DENND1B: variants seen among roughly 807,000 people sequenced by gnomAD.
DENND1B encodes DENN domain containing 1B.
A neutral mutation model predicts 90.1 loss-of-function variants in DENND1B; 59 were observed. That is an observed-to-expected ratio of 0.65 (90% CI 0.53 to 0.81). The LOEUF is 0.81. Ranked by LOEUF, DENND1B falls within the 40% of genes least tolerant of loss-of-function variation. The pLI, the probability that DENND1B is intolerant of heterozygous loss-of-function variation, is 0.00. For synonymous variants in DENND1B, 337 were observed against 324.6 expected, an observed-to-expected ratio of 1.04 and a Z score of -0.41; for missense variants, 862 against 912.6, an observed-to-expected ratio of 0.94 and a Z score of 0.71.
intron 13 of DENND1B, chr1:197,605,788 G>A (rs1676623589): frequency 6.6e-6 from 1 of 151,074 alleles, no homozygotes; most frequent in African/African-American, 2.4e-5. Flanking sequence ...GTAAGATAAG[G>A]TAGTTGAATT....
At chr1:197,675,115 C>G (rs1270145772) in intron 3 of DENND1B, among the ~76,000 whole-genome samples, 1 of 151,992 alleles carries the variant, frequency 6.6e-6, no homozygotes, top group Admixed American at 6.6e-5. Context: ...TTTTACAAGA[C>G]AAAGAATTTT....
At chr1:197,748,801 T>C (rs1273143859) in intron 2 of DENND1B, among the ~76,000 whole-genome samples, 1 of 152,192 alleles carries the variant, frequency 6.6e-6, no homozygotes, top group African/African-American at 2.4e-5. Context: ...ATAATAAATT[T>C]ATATTATTTT....
At chr1:197,773,415 A>G (rs528137128) in intron 1 of DENND1B, among the ~76,000 whole-genome samples, 2 of 152,348 alleles carry the variant, frequency 1.3e-5, no homozygotes, top group African/African-American at 4.8e-5. Flanking sequence ...AATGATGAAT[A>G]CATGGTTCCA....
intron 3 of DENND1B, among the ~76,000 whole-genome samples, chr1:197,695,972 A>C (rs1658393888): frequency 6.6e-6 from 1 of 151,430 alleles, no homozygotes; most frequent in Admixed American, 6.6e-5. Flanking sequence ...GAATGTATAA[A>C]AAAATTGTTT....
chr1:197,625,614 CA>C (rs1191834051), intron 10 of DENND1B, among the ~76,000 whole-genome samples: 1 of 151,972 alleles, frequency 6.6e-6, no homozygotes, highest in African/African-American at 2.4e-5. Context: ...AACTAACGAG[CA>C]AAATCACCAG....
intron 10 of DENND1B, among the ~76,000 whole-genome samples, chr1:197,629,072 G>A (rs1467383777): frequency 1.3e-5 from 2 of 152,188 alleles, no homozygotes; most frequent in African/African-American, 4.8e-5. Flanking sequence ...CTTTTACACT[G>A]TTGGTGGGAC....
chr1:197,553,262 T>C (rs995697775), intron 15 of DENND1B, 150 bp from the exon 16 acceptor site: 3 of 541,434 alleles, frequency 5.5e-6, no homozygotes, highest in South Asian at 4.3e-5. Flanking sequence ...GGTGTATATA[T>C]ACACACACAC....
At chr1:197,721,564 G>C (rs1052651619) in intron 2 of DENND1B, among the ~76,000 whole-genome samples, 2 of 151,984 alleles carry the variant, frequency 1.3e-5, no homozygotes, top group Non-Finnish European at 2.9e-5. Context: ...AGGATAATCT[G>C]GGCCATAAAG....
intron 5 of DENND1B, among the ~76,000 whole-genome samples, chr1:197,663,577 T>A (rs1024346596): frequency 2.0e-5 from 3 of 152,098 alleles, no homozygotes; most frequent in Non-Finnish European, 4.4e-5. Context: ...AAATCTGATA[T>A]AATTCACTGT....
intron 5 of DENND1B, among the ~76,000 whole-genome samples, chr1:197,659,743 G>A (rs1654219521): frequency 1.3e-5 from 2 of 151,840 alleles, no homozygotes; most frequent in South Asian, 4.1e-4. Flanking sequence ...AGGACCAGCA[G>A]AAGTGCTCCC....
chr1:197,548,884 A>G (rs1307012739), intron 16 of DENND1B, among the ~76,000 whole-genome samples: 1 of 152,142 alleles, frequency 6.6e-6, no homozygotes, highest in African/African-American at 2.4e-5. Context: ...CTTCGATGTT[A>G]TGAAAACATG....
At chr1:197,653,821 C>T (rs1253790632) in intron 6 of DENND1B, among the ~76,000 whole-genome samples, 2 of 151,890 alleles carry the variant, frequency 1.3e-5, no homozygotes, top group Non-Finnish European at 2.9e-5. Flanking sequence ...GAAAAGTATT[C>T]AAAATTTGGA....
chr1:197,661,987 T>G (rs1654449643), intron 5 of DENND1B, among the ~76,000 whole-genome samples: 1 of 152,106 alleles, frequency 6.6e-6, no homozygotes, highest in Non-Finnish European at 1.5e-5. Flanking sequence ...AGTTTTTATT[T>G]GTGCTAGGCA....
intron 14 of DENND1B, among the ~76,000 whole-genome samples, chr1:197,584,828 T>C (rs1182815954): frequency 6.6e-6 from 1 of 151,928 alleles, no homozygotes; most frequent in Non-Finnish European, 1.5e-5. Flanking sequence ...CATGCCACCA[T>C]GCCCGGCTAA....
chr1:197,607,019 C>A (rs753781699), intron 13 of DENND1B, 54 bp downstream of exon 13: 3 of 1,334,278 alleles, frequency 2.2e-6, no homozygotes, highest in Admixed American at 1.8e-5. Flanking sequence ...CTTAGTAATT[C>A]AGAGGTCCAG....
intron 3 of DENND1B, among the ~76,000 whole-genome samples, chr1:197,700,592 A>G (rs1658924684): frequency 6.6e-6 from 1 of 152,172 alleles, no homozygotes; most frequent in African/African-American, 2.4e-5. Flanking sequence ...ACAAAAGCCA[A>G]AATTGATAAA....
intron 2 of DENND1B, among the ~76,000 whole-genome samples, chr1:197,756,323 C>T (rs1038774333): frequency 6.6e-6 from 1 of 152,034 alleles, no homozygotes; most frequent in African/African-American, 2.4e-5. Flanking sequence ...GCCTGTAATC[C>T]CAGCAGTCTG....
chr1:197,566,463 A>C (rs1672678280), intron 15 of DENND1B, among the ~76,000 whole-genome samples: 1 of 152,116 alleles, frequency 6.6e-6, no homozygotes, highest in African/African-American at 2.4e-5. Flanking sequence ...GGAACAGAAC[A>C]GAGCCCTCAG....
chr1:197,552,174 G>GA (rs1407711098), intron 16 of DENND1B: 2 of 961,634 alleles, frequency 2.1e-6, no homozygotes, highest in Non-Finnish European at 2.5e-6. Flanking sequence ...ATAGACTGAA[G>GA]TTTTTTTTCC....
Sources: gnomAD v4.1 joint callset for allele counts (sites outside exome capture counted in the v4.1 genomes callset) on GRCh38, gnomAD v4.1.1 for gene constraint, MANE v1.5 for transcripts, NCBI Gene and HGNC (gene_info 2026-07-23, HGNC 2026-07-21) for gene names.